Variants in ARHGAP44 observed in about 807,000 individuals in gnomAD.
ARHGAP44 encodes the protein Rho GTPase activating protein 44.
Under a neutral mutation model 106.8 loss-of-function variants are expected in ARHGAP44, and 43 were observed. The observed-to-expected ratio is 0.40, with a 90% CI of 0.32 to 0.52. ARHGAP44 has a LOEUF of 0.52. Ranked by LOEUF, ARHGAP44 falls within the 20% of genes least tolerant of loss-of-function variation. ARHGAP44 has a pLI of 0.48. For synonymous variants in ARHGAP44, 439 were observed against 410.3 expected, an observed-to-expected ratio of 1.07 and a Z score of -0.85; for missense variants, 866 against 1,050.5, an observed-to-expected ratio of 0.82 and a Z score of 2.43.
chr17:12,923,962 C>T (rs1220096238), intron 6 of ARHGAP44, among the ~76,000 whole-genome samples: 1 of 152,218 alleles, frequency 6.6e-6, no homozygotes, highest in African/African-American at 2.4e-5. Context: ...TGCATTTCTC[C>T]ATAAAGCCAA....
chr17:12,934,009 C>T (rs371429420), intron 7 of ARHGAP44, among the ~76,000 whole-genome samples: 27 of 151,952 alleles, frequency 1.8e-4, no homozygotes, highest in African/African-American at 2.4e-4. Context: ...CCACCATGCC[C>T]GGCTAATTTT....
intron 3 of ARHGAP44, among the ~76,000 whole-genome samples, chr17:12,899,314 T>C (rs1354079534): frequency 3.3e-5 from 5 of 152,196 alleles, no homozygotes; most frequent in African/African-American, 4.8e-5. Context: ...TGATTTCTTA[T>C]GCTGATTCAT....
rs1555546592 is a variant in ARHGAP44 at position 12,845,517 on chromosome 17, A to AAAAAAAC, written c.54-49418_54-49417insACAAAAA. Among the ~76,000 whole-genome samples the AAAAAAAC allele has an allele frequency of 5.4e-3, 767 of 141,972 alleles. 23 individuals are homozygous for AAAAAAAC. In the East Asian group the frequency reaches 0.064, roughly 12 times the overall value. 93.1% of individuals were successfully genotyped at this position (141,972 alleles called of 152,430 possible). On this transcript the variant is annotated intron_variant, in intron 1 of 20. Transcript: ENST00000379672. ...GCAAGACTCCGTCTCAAAAAAAAAA[A>AAAAAAAC]AAAAACAAAAAAACAACTCTTTCTT...
At chr17:12,973,499 G>A in intron 17 of ARHGAP44, 180 bp downstream of exon 17, 1 of 656,894 alleles carries the variant, frequency 1.5e-6, no homozygotes, top group South Asian at 1.9e-5. Flanking sequence ...ATAGGCACAA[G>A]CAGCCCCTTC....
intron 7 of ARHGAP44, among the ~76,000 whole-genome samples, chr17:12,939,113 A>T (rs1255518122): frequency 6.6e-6 from 1 of 152,182 alleles, no homozygotes; most frequent in African/African-American, 2.4e-5. Flanking sequence ...GCTGCGGGGA[A>T]GACAGACAGG....
intron 6 of ARHGAP44, among the ~76,000 whole-genome samples, chr17:12,920,077 A>G (rs1038313353): frequency 2.0e-5 from 3 of 152,036 alleles, no homozygotes; most frequent in Non-Finnish European, 4.4e-5. Flanking sequence ...CTAGAAAGAT[A>G]TGTCATATAA....
rs770590069 is a variant in ARHGAP44 at position 12,955,956 on chromosome 17, A to G, written c.1226A>G (p.Asn409Ser). ...PSNMAIVLGP[N>S]LLWPQAEGNI... is the part of the protein sequence containing the mutation. Reference sequence around the variant, plus strand: ...AATATGGCAATTGTTTTAGGACCCAACCTCCTATGGCCACAAGCAGAAGGG... The same window carrying G: ...AATATGGCAATTGTTTTAGGACCCAGCCTCCTATGGCCACAAGCAGAAGGG... Residue 409 changes from asparagine to serine, a missense_variant, in exon 14 of 21, where the codon AAC becomes AGC. This residue lies in a region of ARHGAP44 where 448 missense variants were observed against 646.9 expected (regional missense o/e 0.69). Transcript: ENST00000379672. 4 of 1,613,072 alleles carry G rather than the reference A, an allele frequency of 2.5e-6. No individual in the cohort carries two copies. Among genetic ancestry groups the G allele is most frequent in the Admixed American group, 1.7e-5 (1 of 59,930 alleles).
At chr17:12,973,942 C>T (rs2039596455) in intron 17 of ARHGAP44, 147 bp from the exon 18 acceptor site, 4 of 837,242 alleles carry the variant, frequency 4.8e-6, no homozygotes, top group Non-Finnish European at 7.7e-6. Context: ...GGGAGCACAG[C>T]CCCCAATGCA....
At chr17:12,919,675 C>T (rs868162792) in intron 5 of ARHGAP44, 80 bp from the exon 6 acceptor site, 67 of 1,300,120 alleles carry the variant, frequency 5.2e-5, no homozygotes, top group Non-Finnish European at 6.2e-5. Context: ...CATGAGCCAC[C>T]GCGCCTGGCC....
At chr17:12,847,151 A>G (rs1301647252) in intron 1 of ARHGAP44, among the ~76,000 whole-genome samples, 1 of 152,228 alleles carries the variant, frequency 6.6e-6, no homozygotes, top group Non-Finnish European at 1.5e-5. Flanking sequence ...AATTAGGCAT[A>G]GCAGTATAGG....
intron 6 of ARHGAP44, among the ~76,000 whole-genome samples, chr17:12,927,684 G>C (rs1279325185): frequency 6.6e-6 from 1 of 152,180 alleles, no homozygotes; most frequent in African/African-American, 2.4e-5. Context: ...AGCCCCATCA[G>C]CTGGAGCTCA....
chr17:12,983,779 G>T (rs1335439863), intron 19 of ARHGAP44, among the ~76,000 whole-genome samples: 1 of 152,078 alleles, frequency 6.6e-6, no homozygotes, highest in African/African-American at 2.4e-5. Context: ...ACTCCAGCCT[G>T]GGCGACAAAA....
At chr17:12,862,948 C>T (rs760979142) in intron 1 of ARHGAP44, among the ~76,000 whole-genome samples, 5 of 151,744 alleles carry the variant, frequency 3.3e-5, no homozygotes, top group African/African-American at 4.8e-5. Context: ...TGCCACTGCA[C>T]TCCAGCCTGG....
chr17:12,903,001 G>C (rs1483802945), intron 3 of ARHGAP44, among the ~76,000 whole-genome samples: 2 of 151,724 alleles, frequency 1.3e-5, no homozygotes, highest in African/African-American at 4.8e-5. Context: ...GTGTCTGTTT[G>C]GGGCTGAACC....
chr17:12,903,002 G>T (rs1271352168), intron 3 of ARHGAP44, among the ~76,000 whole-genome samples: 2 of 151,330 alleles, frequency 1.3e-5, no homozygotes, highest in Non-Finnish European at 2.9e-5. Flanking sequence ...TGTCTGTTTG[G>T]GGCTGAACCA....
At chr17:12,796,276 A>G (rs570857839) in intron 1 of ARHGAP44, among the ~76,000 whole-genome samples, 2 of 152,078 alleles carry the variant, frequency 1.3e-5, no homozygotes, top group South Asian at 4.1e-4. Flanking sequence ...GTTAATCCCC[A>G]GCATAATTTT....
intron 4 of ARHGAP44, among the ~76,000 whole-genome samples, chr17:12,914,544 C>T (rs1395451837): frequency 2.0e-5 from 3 of 152,130 alleles, no homozygotes; most frequent in Non-Finnish European, 4.4e-5. Flanking sequence ...CCTGTAGTCC[C>T]AGCACTTTGG....
intron 1 of ARHGAP44, among the ~76,000 whole-genome samples, chr17:12,863,177 T>G (rs923237161): frequency 1.2e-3 from 189 of 152,026 alleles, no homozygotes; most frequent in African/African-American, 4.3e-3. Context: ...TAAAAAAATT[T>G]TTTTAAAGGT....
At chr17:12,898,905 G>T (rs542364455) in intron 3 of ARHGAP44, among the ~76,000 whole-genome samples, 1 of 152,150 alleles carries the variant, frequency 6.6e-6, no homozygotes, top group Admixed American at 6.6e-5. Context: ...GGAGAAGTCC[G>T]CAGTGGAAGT....
Sources: gnomAD v4.1 joint callset for allele counts (sites outside exome capture counted in the v4.1 genomes callset) on GRCh38, gnomAD v4.1.1 for gene constraint, gnomAD v4.1.1 regional missense constraint, MANE v1.5 for transcripts, NCBI Gene and HGNC (gene_info 2026-07-23, HGNC 2026-07-21) for gene names.